The following PDS5B variants were observed in gnomAD, a reference collection of about 807,000 sequenced individuals.
PDS5B encodes sister chromatid cohesion protein PDS5 homolog B.
In PDS5B, 51 loss-of-function variants were observed where a neutral mutation model predicts 184.1. That is an observed-to-expected ratio of 0.28 (90% CI 0.22 to 0.35). The LOEUF is 0.35. Among genes scored for constraint, PDS5B ranks in the 10% least tolerant of loss-of-function variants. PDS5B has a pLI of 1.00. For synonymous variants in PDS5B, 566 were observed against 569.2 expected, an observed-to-expected ratio of 0.99 and a Z score of 0.08; for missense variants, 1,180 against 1,723.3, an observed-to-expected ratio of 0.68 and a Z score of 5.58.
intron 19 of PDS5B, among the ~76,000 whole-genome samples, chr13:32,729,736 A>G (rs180737624): frequency 6.6e-6 from 1 of 152,114 alleles, no homozygotes. Flanking sequence ...TTGGCCATAT[A>G]AATGTCTTCT....
chr13:32,700,699 A>G (rs886336826), intron 16 of PDS5B, among the ~76,000 whole-genome samples: 8 of 152,100 alleles, frequency 5.3e-5, no homozygotes, highest in Non-Finnish European at 8.8e-5. Context: ...TGTTCTTTAC[A>G]TACCATAGTT....
At chr13:32,616,503 A>G (rs2058222088) in intron 1 of PDS5B, among the ~76,000 whole-genome samples, 1 of 152,204 alleles carries the variant, frequency 6.6e-6, no homozygotes. Flanking sequence ...TTACCAAGAA[A>G]TATATAACTT....
intron 1 of PDS5B, among the ~76,000 whole-genome samples, chr13:32,610,381 A>G (rs935180972): frequency 3.3e-5 from 5 of 152,232 alleles, no homozygotes; most frequent in Admixed American, 6.5e-5. Flanking sequence ...AAAATACCCT[A>G]TGTAAAGTGC....
In PDS5B at chr13:32,651,899, T is replaced by C. The variant is rs965503951; in HGVS notation, c.204T>C (p.Phe68=). 1 of 1,613,354 alleles carries C rather than the reference T, an allele frequency of 6.2e-7. No homozygotes were observed. Among genetic ancestry groups the C allele is most frequent in the Non-Finnish European group, 8.5e-7 (1 of 1,179,342 alleles). The change falls in exon 3 of 35, where the codon TTT becomes TTC. Residue 68 remains phenylalanine, a synonymous_variant. Transcript: ENST00000315596. ...CTTTACATCTTGCTTCAGATTTTTT[T>C]CTCAAGCATCCTGATAAAGATGTTC... is the stretch of plus-strand genomic sequence containing the variant. ...NLALHLASDF[F]LKHPDKDVRL... is the part of the protein sequence containing the mutation.
chr13:32,707,113 G>A (rs984452122), intron 18 of PDS5B, 74 bp downstream of exon 18: 19 of 782,316 alleles, frequency 2.4e-5, no homozygotes, highest in Middle Eastern at 2.5e-4. Flanking sequence ...ATTTGTTCTT[G>A]ATGTTTTCTT....
At chr13:32,755,218 A>C (rs923484592) in intron 25 of PDS5B, among the ~76,000 whole-genome samples, 3 of 152,184 alleles carry the variant, frequency 2.0e-5, no homozygotes, top group African/African-American at 4.8e-5. Flanking sequence ...ACCCCTTATT[A>C]AACCAATTAG....
In PDS5B at chr13:32,774,038, A is replaced by T. The variant is rs566689069; in HGVS notation, c.4308+714A>T. On this transcript the variant is annotated intron_variant, in intron 34 of 34. Transcript: ENST00000315596. ...AGGCTGGTCTCGAACTCTTGACCTC[A>T]AGTGATCTGCCTGCTTTGGCCTCCA... Among the ~76,000 whole-genome samples the T allele has an allele frequency of 1.4e-4, 21 of 152,250 alleles. 2 individuals are homozygous for T. The South Asian group carries it at 3.1e-3, about 23-fold the overall frequency.
chr13:32,656,464 A>G (rs1489406927), intron 3 of PDS5B, among the ~76,000 whole-genome samples: 5 of 151,928 alleles, frequency 3.3e-5, no homozygotes, highest in Admixed American at 1.3e-4. Flanking sequence ...CTTCCTATCC[A>G]TGAACATGGA....
At chr13:32,671,735 G>T (rs1950943339) in intron 7 of PDS5B, among the ~76,000 whole-genome samples, 3 of 152,126 alleles carry the variant, frequency 2.0e-5, no homozygotes, top group Admixed American at 6.5e-5. Flanking sequence ...AAAAGACATA[G>T]AAATATGAAA....
At chr13:32,767,952 T>A (rs1301775536) in intron 31 of PDS5B, among the ~76,000 whole-genome samples, 1 of 152,202 alleles carries the variant, frequency 6.6e-6, no homozygotes, top group African/African-American at 2.4e-5. Context: ...CCCAGAAATA[T>A]TATTCTTGTT....
chr13:32,721,860 C>G (rs1952723332), intron 19 of PDS5B, among the ~76,000 whole-genome samples: 1 of 150,240 alleles, frequency 6.7e-6, no homozygotes. Context: ...AGAGGCGCTC[C>G]TCACTTCCCA....
intron 7 of PDS5B, among the ~76,000 whole-genome samples, chr13:32,668,890 T>G (rs1471229113): frequency 2.0e-5 from 3 of 152,212 alleles, no homozygotes; most frequent in Non-Finnish European, 4.4e-5. Flanking sequence ...TGTTTCTGGC[T>G]TATAGCCTTA....
intron 18 of PDS5B, 85 bp downstream of exon 18, chr13:32,707,124 C>T (rs1291236396): frequency 4.2e-6 from 3 of 717,436 alleles, no homozygotes; most frequent in Admixed American, 6.7e-5. Flanking sequence ...ATGTTTTCTT[C>T]TTAAGTTTGT....
In PDS5B at chr13:32,701,427, C is replaced by T. The variant is rs759691242; in HGVS notation, c.1845C>T (p.Thr615=). Residue 615 remains threonine, a synonymous_variant, in exon 17 of 35, where the codon ACC becomes ACT. Transcript: ENST00000315596. ...LERIAPVHID[T]ESISALIKQV... is the part of the protein sequence containing the mutation. ...GGATAGCACCTGTGCACATAGATAC[C>T]GAATCTATCAGGTATTTGTATATAA... 28 of 1,562,680 alleles carry T rather than the reference C, an allele frequency of 1.8e-5. No individual in the cohort carries two copies. The highest frequency in any genetic ancestry group is 1.2e-4 in the African/African-American group (9 of 73,672).
At chr13:32,642,198 C>CATT (rs1950113981) in intron 1 of PDS5B, among the ~76,000 whole-genome samples, 1 of 152,166 alleles carries the variant, frequency 6.6e-6, no homozygotes, top group African/African-American at 2.4e-5. Context: ...CTGTGTCTAG[C>CATT]TCTACTTTTT....
At chr13:32,661,316 G>A (rs543133163) in intron 6 of PDS5B, among the ~76,000 whole-genome samples, 1 of 147,754 alleles carries the variant, frequency 6.8e-6, no homozygotes, top group Admixed American at 6.8e-5. Flanking sequence ...CCTGAGAGGT[G>A]GAGGTTACAG....
At chr13:32,749,835 G>A (rs1953910210) in intron 24 of PDS5B, among the ~76,000 whole-genome samples, 1 of 151,796 alleles carries the variant, frequency 6.6e-6, no homozygotes, top group South Asian at 2.1e-4. Context: ...TTATCTGGGG[G>A]GGCGGGGACA....
chr13:32,710,037 C>A lies in PDS5B; in HGVS notation c.2054C>A (p.Ala685Glu). Reference sequence around the variant, plus strand: ...CTGAAAATGGATGATGAAAAAGTAGCAGAAGCTGCACTACAAATTTTCAAA... The same window carrying A: ...CTGAAAATGGATGATGAAAAAGTAGAAGAAGCTGCACTACAAATTTTCAAA... Reference protein sequence around the residue: ...ACLKMDDEKVAEAALQIFKNT... With the variant: ...ACLKMDDEKVEEAALQIFKNT... The change falls in exon 19 of 35, where the codon GCA becomes GAA. Residue 685 changes from alanine (A) to glutamate (E), a missense_variant. Physicochemically the swap from Ala to Glu is moderately radical, Grantham distance 107. This residue lies in a region of PDS5B where 475 missense variants were observed against 691.5 expected (regional missense o/e 0.69). Coordinates refer to ENST00000315596, the MANE Select transcript of PDS5B (RefSeq NM_015032.4). 1.9e-6 allele frequency: 3 copies of A among 1,545,360 alleles called. No homozygotes were observed. The highest frequency in any genetic ancestry group is 2.6e-6 in the Non-Finnish European group (3 of 1,135,574).
intron 24 of PDS5B, among the ~76,000 whole-genome samples, chr13:32,747,015 G>T (rs1327297773): frequency 6.6e-6 from 1 of 152,138 alleles, no homozygotes; most frequent in Non-Finnish European, 1.5e-5. Flanking sequence ...ACATGACATA[G>T]AACTAATTTC....
Sources: allele counts gnomAD v4.1 joint callset (sites outside exome capture counted in the v4.1 genomes callset), GRCh38; gene constraint gnomAD v4.1.1; regional missense constraint gnomAD v4.1.1; transcripts MANE v1.5; gene names NCBI Gene and HGNC (gene_info 2026-07-23, HGNC 2026-07-21).